Variants in DYRK1A observed in about 807,000 individuals in gnomAD.
The protein encoded by DYRK1A is dual specificity tyrosine-phosphorylation-regulated kinase 1A.
Under a neutral mutation model 79.7 loss-of-function variants are expected in DYRK1A, and 9 were observed. The observed-to-expected ratio is 0.11, with a 90% CI of 0.07 to 0.20. The LOEUF (loss-of-function observed/expected upper bound fraction) is 0.20, where lower values mean the gene tolerates loss of function less well. DYRK1A is among the 10% of genes least tolerant of loss of function. DYRK1A has a pLI of 1.00. For synonymous variants in DYRK1A, 349 were observed against 329.7 expected, an observed-to-expected ratio of 1.06 and a Z score of -0.63; for missense variants, 622 against 956.0, an observed-to-expected ratio of 0.65 and a Z score of 4.61.
intron 3 of DYRK1A, among the ~76,000 whole-genome samples, chr21:37,475,477 A>G (rs1226639795): frequency 1.3e-5 from 2 of 152,242 alleles, no homozygotes; most frequent in Admixed American, 6.5e-5. Context: ...CTAATTCTGG[A>G]TATGTACTAA....
intron 2 of DYRK1A, among the ~76,000 whole-genome samples, chr21:37,423,400 T>C (rs1009727376): frequency 5.3e-5 from 8 of 152,290 alleles, no homozygotes; most frequent in African/African-American, 7.2e-5. Flanking sequence ...AACCACTCTT[T>C]GCCCTTTTGA....
chr21:37,366,639 A>G (rs1602334974), upstream of DYRK1A, among the ~76,000 whole-genome samples: 1 of 150,360 alleles, frequency 6.7e-6, no homozygotes, highest in African/African-American at 2.4e-5. Flanking sequence ...ACAGAGGGGG[A>G]GACGGAAAGG....
chr21:37,509,833 T>A (rs1373060787), intron 11 of DYRK1A, among the ~76,000 whole-genome samples: 1 of 152,238 alleles, frequency 6.6e-6, no homozygotes, highest in Non-Finnish European at 1.5e-5. Flanking sequence ...TTATCCACAG[T>A]TCCAGTTATT....
At chr21:37,483,324 C>T (rs2052725006) in intron 5 of DYRK1A, among the ~76,000 whole-genome samples, 1 of 152,198 alleles carries the variant, frequency 6.6e-6, no homozygotes, top group African/African-American at 2.4e-5. Flanking sequence ...CTTCCCGCAA[C>T]ACTCTATGTC....
At chr21:37,495,538 A>AG (rs1243442428) in intron 8 of DYRK1A, among the ~76,000 whole-genome samples, 1 of 152,130 alleles carries the variant, frequency 6.6e-6, no homozygotes, top group Non-Finnish European at 1.5e-5. Flanking sequence ...AGGCTGAGGC[A>AG]GGAGAATTGC....
intron 2 of DYRK1A, among the ~76,000 whole-genome samples, chr21:37,445,784 G>C (rs1432463155): frequency 6.6e-6 from 1 of 152,084 alleles, no homozygotes; most frequent in African/African-American, 2.4e-5. Context: ...GTAGTCATTT[G>C]TAATCAGATG....
At chr21:37,458,654 C>T (rs1038107927) in intron 2 of DYRK1A, among the ~76,000 whole-genome samples, 2 of 152,104 alleles carry the variant, frequency 1.3e-5, no homozygotes, top group Non-Finnish European at 2.9e-5. Context: ...AAAGGGGACG[C>T]CTAAGTCCTA....
At chr21:37,486,988 A>G (rs1030073177) in intron 6 of DYRK1A, 1 of 155,408 alleles carries the variant, frequency 6.4e-6, no homozygotes, top group Non-Finnish European at 1.4e-5. Context: ...GTATGTTCTT[A>G]GTGGTTGTGG....
At chr21:37,389,062 G>A (rs896892677) in intron 1 of DYRK1A, among the ~76,000 whole-genome samples, 5 of 151,440 alleles carry the variant, frequency 3.3e-5, no homozygotes, top group Non-Finnish European at 7.4e-5. Context: ...TTTTTTTTAA[G>A]AGATGGAGTC....
chr21:37,367,672 G>A (rs947047662), intron 1 of DYRK1A, 44 bp downstream of exon 1: 13 of 145,464 alleles, frequency 8.9e-5, no homozygotes, highest in African/African-American at 3.2e-4. Context: ...CCTGGCGCTC[G>A]GCTCCCCCGG....
At chr21:37,511,519 T>C (rs2053748837) in intron 11 of DYRK1A, among the ~76,000 whole-genome samples, 2 of 152,098 alleles carry the variant, frequency 1.3e-5, no homozygotes. Context: ...TAGTCCTTTA[T>C]TGAAAGAAGA....
chr21:37,458,023 G>T (rs1189510484), intron 2 of DYRK1A, among the ~76,000 whole-genome samples: 1 of 152,202 alleles, frequency 6.6e-6, no homozygotes, highest in Non-Finnish European at 1.5e-5. Flanking sequence ...GTAACCTTCT[G>T]CCTGTGTTGT....
chr21:37,431,581 A>G lies in DYRK1A; in HGVS notation c.10+11197A>G, dbSNP rs149415924. On this transcript the variant is annotated intron_variant, in intron 2 of 11. Transcript: ENST00000647188. The stretch of plus-strand genomic sequence containing the variant: ...CCCATTACCTCCTGTGAGCAGGCAC[A>G]GGGCCTTTCCTTGTCACCTGGGCTT... 2.7e-3 allele frequency among the ~76,000 whole-genome samples: 410 copies of G among 152,334 alleles called. 6 individuals carry two copies. The East Asian group carries it at 0.03, about 11-fold the overall frequency.
chr21:37,380,097 A>C (rs1463099838), intron 1 of DYRK1A, among the ~76,000 whole-genome samples: 2 of 152,216 alleles, frequency 1.3e-5, no homozygotes, highest in African/African-American at 4.8e-5. Context: ...AAGGTCAAAA[A>C]ATTTTTGTTT....
intron 3 of DYRK1A, among the ~76,000 whole-genome samples, chr21:37,475,799 T>C (rs745479793): frequency 6.6e-6 from 1 of 151,880 alleles, no homozygotes; most frequent in African/African-American, 2.4e-5. Context: ...TATTTGAAAT[T>C]TTTTTTTGAT....
chr21:37,430,975 C>T (rs1318611297), intron 2 of DYRK1A, among the ~76,000 whole-genome samples: 1 of 152,162 alleles, frequency 6.6e-6, no homozygotes, highest in Admixed American at 6.5e-5. Context: ...GCCACTTCTG[C>T]TCTGGTTCCT....
chr21:37,433,584 A>G (rs796737399), intron 2 of DYRK1A, among the ~76,000 whole-genome samples: 2 of 152,222 alleles, frequency 1.3e-5, no homozygotes, highest in South Asian at 2.1e-4. Context: ...AAGTAGTTCA[A>G]AAATGTACCA....
chr21:37,473,835 A>G (rs543775953), intron 3 of DYRK1A, among the ~76,000 whole-genome samples: 5 of 152,262 alleles, frequency 3.3e-5, no homozygotes, highest in African/African-American at 1.2e-4. Flanking sequence ...AGGACTTAAG[A>G]TTTTATGTAG....
intron 11 of DYRK1A, among the ~76,000 whole-genome samples, chr21:37,506,580 G>A (rs1040297215): frequency 8.5e-5 from 13 of 152,184 alleles, no homozygotes; most frequent in African/African-American, 2.9e-4. Flanking sequence ...GTCATGATCT[G>A]AATGACTCGA....
Sources: allele counts gnomAD v4.1 joint callset (sites outside exome capture counted in the v4.1 genomes callset), GRCh38; gene constraint gnomAD v4.1.1; transcripts MANE v1.5; gene names NCBI Gene and HGNC (gene_info 2026-07-23, HGNC 2026-07-21).